The following TIAM1 variants were observed in gnomAD, a reference collection of about 807,000 sequenced individuals.
TIAM1 encodes the protein TIAM Rac1 associated GEF 1, also known as rho guanine nucleotide exchange factor TIAM1.
In TIAM1, 65 loss-of-function variants were observed where a neutral mutation model predicts 163.5. The observed-to-expected ratio is 0.40, with a 90% CI of 0.33 to 0.49. TIAM1 has a LOEUF of 0.49. Among genes scored for constraint, TIAM1 ranks in the 20% least tolerant of loss-of-function variants. The pLI is 0.77. For missense variants in TIAM1, 1,789 were observed against 2,044.7 expected, an observed-to-expected ratio of 0.87 and a Z score of 2.41; for synonymous variants, 833 against 810.1, an observed-to-expected ratio of 1.03 and a Z score of -0.48.
intron 2 of TIAM1, among the ~76,000 whole-genome samples, chr21:31,319,431 G>C (rs562377971): frequency 1.3e-5 from 2 of 152,090 alleles, no homozygotes; most frequent in Admixed American, 6.6e-5. Flanking sequence ...AATGCACAAG[G>C]GTTCGAATTT....
At chr21:31,411,035 G>A (rs1299298730) in intron 2 of TIAM1, among the ~76,000 whole-genome samples, 2 of 152,082 alleles carry the variant, frequency 1.3e-5, no homozygotes, top group Non-Finnish European at 2.9e-5. Flanking sequence ...TGACATTGAG[G>A]ACAGGACTGT....
chr21:31,146,829 C>T, intron 20 of TIAM1, 66 bp downstream of exon 20: 1 of 1,357,196 alleles, frequency 7.4e-7, no homozygotes, highest in Non-Finnish European at 1.0e-6. Context: ...CAAAAGCCCC[C>T]AACCACTGTC....
intron 12 of TIAM1, among the ~76,000 whole-genome samples, chr21:31,201,315 C>T (rs891428829): frequency 1.2e-4 from 19 of 152,204 alleles, no homozygotes; most frequent in African/African-American, 4.6e-4. Flanking sequence ...CATCAGCCCT[C>T]TCTGTTAAAT....
At chr21:31,343,623 G>A (rs1462791833) in intron 1 of TIAM1, among the ~76,000 whole-genome samples, 1 of 152,022 alleles carries the variant, frequency 6.6e-6, no homozygotes, top group African/African-American at 2.4e-5. Context: ...ATCCAGGTGC[G>A]GTCGGGAGCC....
intron 19 of TIAM1, among the ~76,000 whole-genome samples, chr21:31,152,305 T>G (rs2083414148): frequency 6.6e-6 from 1 of 152,194 alleles, no homozygotes; most frequent in African/African-American, 2.4e-5. Context: ...AGTGCTGGGA[T>G]TACAGGCGTG....
intron 2 of TIAM1, among the ~76,000 whole-genome samples, chr21:31,387,109 T>C (rs2076884863): frequency 6.6e-6 from 1 of 151,648 alleles, no homozygotes; most frequent in Non-Finnish European, 1.5e-5. Context: ...AGCCTTCTCT[T>C]TTCCCAGAGA....
At chr21:31,233,435 T>A (rs1569077953) in intron 6 of TIAM1, among the ~76,000 whole-genome samples, 1 of 152,290 alleles carries the variant, frequency 6.6e-6, no homozygotes, top group East Asian at 1.9e-4. Context: ...AGGCCAGGCA[T>A]GGTGGCTCAC....
chr21:31,505,900 T>C (rs2047008212), intron 1 of TIAM1, among the ~76,000 whole-genome samples: 2 of 150,668 alleles, frequency 1.3e-5, no homozygotes, highest in Admixed American at 1.3e-4. Context: ...TCCCAGCTAC[T>C]TGGGAGGCTG....
chr21:31,556,304 G>GGTTCA (rs1182401898), intron 1 of TIAM1, among the ~76,000 whole-genome samples: 1 of 152,198 alleles, frequency 6.6e-6, no homozygotes, highest in East Asian at 1.9e-4. Flanking sequence ...GCCGAATAGG[G>GGTTCA]GTTCACGGGA....
At chr21:31,388,465 A>G (rs1252354256) in intron 2 of TIAM1, among the ~76,000 whole-genome samples, 1 of 151,102 alleles carries the variant, frequency 6.6e-6, no homozygotes, top group East Asian at 2.0e-4. Flanking sequence ...ATAAAGCAAC[A>G]CCCCATCTCT....
chr21:31,306,415 A>G (rs563909782), intron 2 of TIAM1, among the ~76,000 whole-genome samples: 69 of 152,332 alleles, frequency 4.5e-4, no homozygotes, highest in African/African-American at 1.6e-3. Flanking sequence ...TATAATTTCA[A>G]AGTATCCCCC....
rs536937036 is a variant in TIAM1 at position 31,246,410 on chromosome 21, T to C, written c.1412-750A>G. Reference sequence around the variant, plus strand: ...AGATGGCTTCCATAGACTCCTTCCATTATCATCTAAACTTGAGGCTCACTT... The same window carrying C: ...AGATGGCTTCCATAGACTCCTTCCACTATCATCTAAACTTGAGGCTCACTT... On this transcript the variant is annotated intron_variant, in intron 5 of 27. Coordinates refer to ENST00000541036, the MANE Select transcript of TIAM1 (RefSeq NM_001353694.2). Among the ~76,000 whole-genome samples, 139 of 152,316 alleles carry C rather than the reference T, an allele frequency of 9.1e-4. 2 individuals carry two copies. Among genetic ancestry groups the C allele is most frequent in the South Asian group, 1.4e-3 (7 of 4,832 alleles).
intron 2 of TIAM1, among the ~76,000 whole-genome samples, chr21:31,350,170 C>A (rs926413535): frequency 3.9e-5 from 6 of 152,142 alleles, no homozygotes; most frequent in Non-Finnish European, 5.9e-5. Flanking sequence ...TAAGCCTTCC[C>A]CAGAGAGTCC....
intron 14 of TIAM1, among the ~76,000 whole-genome samples, chr21:31,185,548 A>G (rs1400874245): frequency 1.5e-5 from 2 of 130,054 alleles, no homozygotes; most frequent in East Asian, 2.1e-4. Context: ...GCCATTATAT[A>G]TTATATATTA....
intron 4 of TIAM1, among the ~76,000 whole-genome samples, chr21:31,265,781 G>A (rs1037865159): frequency 6.6e-6 from 1 of 151,816 alleles, no homozygotes; most frequent in African/African-American, 2.4e-5. Flanking sequence ...CTATCACATC[G>A]CCACTCCCCC....
intron 15 of TIAM1, among the ~76,000 whole-genome samples, chr21:31,169,112 G>A (rs575035357): frequency 3.4e-4 from 52 of 152,214 alleles, no homozygotes; most frequent in African/African-American, 1.1e-3. Flanking sequence ...TGGCCAACAC[G>A]GTGAAATGCC....
At chr21:31,350,165 C>T (rs544421534) in intron 2 of TIAM1, among the ~76,000 whole-genome samples, 49 of 152,300 alleles carry the variant, frequency 3.2e-4, no homozygotes, top group African/African-American at 1.2e-3. Context: ...AGCCCTAAGC[C>T]TTCCCCAGAG....
chr21:31,444,060 G>C (rs2044529689), intron 2 of TIAM1, among the ~76,000 whole-genome samples: 1 of 152,186 alleles, frequency 6.6e-6, no homozygotes, highest in South Asian at 2.1e-4. Context: ...CAGGAGGATA[G>C]AAATTGATGA....
intron 6 of TIAM1, among the ~76,000 whole-genome samples, chr21:31,243,837 T>TG (rs1221086799): frequency 6.6e-6 from 1 of 152,152 alleles, no homozygotes; most frequent in Admixed American, 6.5e-5. Flanking sequence ...TTCAAAGCAC[T>TG]GAAATAAGAT....
Sources: allele counts gnomAD v4.1 joint callset (sites outside exome capture counted in the v4.1 genomes callset), GRCh38; gene constraint gnomAD v4.1.1; transcripts MANE v1.5; gene names NCBI Gene and HGNC (gene_info 2026-07-23, HGNC 2026-07-21).